CCDC6: variants seen among roughly 807,000 people sequenced by gnomAD.
The protein encoded by CCDC6 is coiled-coil domain-containing protein 6.
A neutral mutation model predicts 56.6 loss-of-function variants in CCDC6; 20 were observed. That is an observed-to-expected ratio of 0.35 (90% CI 0.25 to 0.51). The LOEUF (loss-of-function observed/expected upper bound fraction) is 0.51, where lower values mean the gene tolerates loss of function less well. CCDC6 is among the 20% of genes least tolerant of loss of function. The pLI, the probability that CCDC6 is intolerant of heterozygous loss-of-function variation, is 0.95. For synonymous variants in CCDC6, 241 were observed against 234.4 expected (o/e 1.03, Z -0.26); for missense variants, 367 against 601.1 (o/e 0.61, Z 4.07).
In CCDC6 at chr10:59,833,902, A is replaced by G. The variant is rs147725840; in HGVS notation, c.454-1249T>C. Reference sequence around the variant, plus strand: ...TCACATTATTAGACTGAAGCAATACAGCTGGAAAGTGGCAGAGCTTGGGAC... The same window carrying G: ...TCACATTATTAGACTGAAGCAATACGGCTGGAAAGTGGCAGAGCTTGGGAC... On this transcript the variant is annotated intron_variant, in intron 2 of 8. Coordinates refer to ENST00000263102, the MANE Select transcript of CCDC6 (RefSeq NM_005436.5). 3.3e-5 allele frequency among the ~76,000 whole-genome samples: 5 copies of G among 152,284 alleles called. No homozygotes were observed. In the East Asian group the frequency reaches 9.6e-4, roughly 29 times the overall value.
At chr10:59,837,258 A>G (rs976207627) in intron 2 of CCDC6, among the ~76,000 whole-genome samples, 2 of 152,210 alleles carry the variant, frequency 1.3e-5, no homozygotes, top group African/African-American at 4.8e-5. Flanking sequence ...ACCTCCTCCA[A>G]TAGGTACCAC....
At chr10:59,815,369 T>G (rs2070702895) in intron 3 of CCDC6, among the ~76,000 whole-genome samples, 1 of 152,202 alleles carries the variant, frequency 6.6e-6, no homozygotes, top group Admixed American at 6.5e-5. Flanking sequence ...ACCCCAACAG[T>G]GTTCTATTTC....
chr10:59,792,785 T>C lies in CCDC6; in HGVS notation c.*132A>G, dbSNP rs764318916. The stretch of plus-strand genomic sequence containing the variant: ...TTTCTGACAAACATTTACAACACAA[T>C]GGATAGTGAAGCCTAGATAACCTCA... On this transcript the variant is annotated 3_prime_UTR_variant, in exon 9 of 9. Coordinates refer to ENST00000263102, the MANE Select transcript of CCDC6 (RefSeq NM_005436.5). The C allele has an allele frequency of 1.1e-6, 1 of 935,050 alleles. No individual in the cohort carries two copies. The highest frequency in any genetic ancestry group is 1.8e-6 in the Non-Finnish European group (1 of 568,360). The allele number at this position is 935,050 out of a possible 1,614,324, so 57.9% of individuals were successfully genotyped here.
intron 1 of CCDC6, among the ~76,000 whole-genome samples, chr10:59,880,496 A>G (rs942975888): frequency 2.0e-5 from 3 of 152,234 alleles, no homozygotes; most frequent in African/African-American, 7.2e-5. Flanking sequence ...CATAGTGGCT[A>G]CCCTTGGAGG....
intron 1 of CCDC6, among the ~76,000 whole-genome samples, chr10:59,883,865 T>C (rs1049468992): frequency 6.6e-6 from 1 of 152,212 alleles, no homozygotes; most frequent in African/African-American, 2.4e-5. Context: ...GTTTAATGTA[T>C]TGTTGTCAGA....
Position 59,812,730 on chromosome 10 carries a change from T to A in CCDC6, c.752A>T (p.Glu251Val). ...APPSPRDISM[E>V]IDSPENMMRH... ...CATCATATTTTCTGGAGAATCAATC[T>A]CCATGGAGATATCTCTAGGCGATGG... is the stretch of plus-strand genomic sequence containing the variant. Residue 251 changes from glutamate (E) to valine (V), a missense_variant, in exon 5 of 9, where the codon GAG becomes GTG. Coordinates refer to ENST00000263102, the MANE Select transcript of CCDC6 (RefSeq NM_005436.5). The A allele has an allele frequency of 6.2e-7, 1 of 1,611,460 alleles. No individual in the cohort carries two copies. Among genetic ancestry groups the A allele is most frequent in the Non-Finnish European group, 8.5e-7 (1 of 1,177,748 alleles).
At chr10:59,857,980 T>C (rs1391786090) in intron 1 of CCDC6, among the ~76,000 whole-genome samples, 10 of 152,172 alleles carry the variant, frequency 6.6e-5, no homozygotes, top group Non-Finnish European at 5.9e-5. Flanking sequence ...TAATGATTGT[T>C]GTGGGAGATG....
chr10:59,798,853 C>T (rs543092730), intron 7 of CCDC6, among the ~76,000 whole-genome samples: 11 of 124,214 alleles, frequency 8.9e-5, no homozygotes, highest in Admixed American at 2.3e-4. Flanking sequence ...ACTAGGTGGG[C>T]GTGGTGGTTT....
At chr10:59,895,774 A>G (rs2071457420) in intron 1 of CCDC6, among the ~76,000 whole-genome samples, 1 of 152,194 alleles carries the variant, frequency 6.6e-6, no homozygotes, top group Non-Finnish European at 1.5e-5. Flanking sequence ...GTCATGCCTG[A>G]TAAGAGTGTC....
At chr10:59,808,687 A>G (rs1351404203) in intron 5 of CCDC6, among the ~76,000 whole-genome samples, 1 of 152,238 alleles carries the variant, frequency 6.6e-6, no homozygotes, top group African/African-American at 2.4e-5. Flanking sequence ...TTAGGGAAGA[A>G]GGAGGGAGCT....
At chr10:59,856,165 G>A (rs1000095598) in intron 1 of CCDC6, among the ~76,000 whole-genome samples, 35 of 152,020 alleles carry the variant, frequency 2.3e-4, no homozygotes, top group African/African-American at 8.2e-4. Flanking sequence ...ATCTAATTGG[G>A]GGGTGTTATT....
intron 2 of CCDC6, among the ~76,000 whole-genome samples, chr10:59,833,089 C>G (rs2070847129): frequency 6.6e-6 from 1 of 152,146 alleles, no homozygotes; most frequent in Non-Finnish European, 1.5e-5. Context: ...TCATAAAAAT[C>G]AGCACAATTA....
chr10:59,828,589 T>C (rs10458645), intron 3 of CCDC6, among the ~76,000 whole-genome samples: 77,759 of 151,954 alleles, frequency 0.51, 20,725 homozygotes, highest in African/African-American at 0.66. Context: ...ACCACTAAGA[T>C]GAGAACCAGG....
chr10:59,844,031 T>A (rs2070966683), intron 2 of CCDC6, among the ~76,000 whole-genome samples: 1 of 152,210 alleles, frequency 6.6e-6, no homozygotes, highest in African/African-American at 2.4e-5. Context: ...CGTTCCCACC[T>A]TCCTTCAGAT....
chr10:59,792,409 TAACTTTCTGTTCTACACTGA>T lies in CCDC6; in HGVS notation c.*488_*507del, dbSNP rs1370260370. 9 of 418,126 alleles carry T rather than the reference TAACTTTCTGTTCTACACTGA, an allele frequency of 2.2e-5. No homozygotes were observed. The highest frequency in any genetic ancestry group is 1.8e-4 in the African/African-American group (9 of 50,064). The allele number at this position is 418,126 out of a possible 1,614,324, so 25.9% of individuals were successfully genotyped here. A position where few individuals can be genotyped will look rare whatever the true frequency, so the allele number is the denominator to read the frequency against. ...AATATGTCTTGGGCACTGATTCATC[TAACTTTCTGTTCTACACTGA>T]AAGCCAGATTTTCAAAGGTCTGAAT... On this transcript the variant is annotated 3_prime_UTR_variant, in exon 9 of 9. Coordinates refer to ENST00000263102, the MANE Select transcript of CCDC6 (RefSeq NM_005436.5).
At chr10:59,902,468 A>G (rs2071511082) in intron 1 of CCDC6, among the ~76,000 whole-genome samples, 1 of 138,662 alleles carries the variant, frequency 7.2e-6, no homozygotes, top group Non-Finnish European at 1.5e-5. Flanking sequence ...ACATTGGCTC[A>G]CTGCAACCTC....
intron 1 of CCDC6, among the ~76,000 whole-genome samples, chr10:59,864,362 G>C (rs537746076): frequency 6.6e-6 from 1 of 152,226 alleles, no homozygotes; most frequent in South Asian, 2.1e-4. Context: ...ATCCTTTCTC[G>C]AAAATAAATC....
At chr10:59,894,490 A>G (rs2071447794) in intron 1 of CCDC6, among the ~76,000 whole-genome samples, 2 of 152,206 alleles carry the variant, frequency 1.3e-5, no homozygotes, top group African/African-American at 4.8e-5. Context: ...TCAGGGGCCC[A>G]CCACCAATGC....
intron 5 of CCDC6, among the ~76,000 whole-genome samples, chr10:59,807,932 C>T (rs1334922136): frequency 6.6e-6 from 1 of 152,168 alleles, no homozygotes; most frequent in African/African-American, 2.4e-5. Flanking sequence ...AGTTAACATT[C>T]TTTTCACGAG....
Sources: gnomAD v4.1 joint callset for allele counts (sites outside exome capture counted in the v4.1 genomes callset) on GRCh38, gnomAD v4.1.1 for gene constraint, MANE v1.5 for transcripts, NCBI Gene and HGNC (gene_info 2026-07-23, HGNC 2026-07-21) for gene names.